Variants in SLC35D1 observed in about 807,000 individuals in gnomAD.
SLC35D1 encodes nucleotide sugar transporter SLC35D1.
Under a neutral mutation model 46.7 loss-of-function variants are expected in SLC35D1, and 31 were observed. The observed-to-expected ratio is 0.66, with a 90% confidence interval of 0.50 to 0.90. The LOEUF (loss-of-function observed/expected upper bound fraction) is 0.90, where lower values mean the gene tolerates loss of function less well. Among genes scored for constraint, SLC35D1 ranks in the 40% least tolerant of loss-of-function variants. The pLI, the probability that SLC35D1 is intolerant of heterozygous loss-of-function variation, is 0.00. For missense variants in SLC35D1, 397 were observed against 426.2 expected (o/e 0.93, Z 0.60); for synonymous variants, 195 against 164.6 (o/e 1.18, Z -1.41).
Position 67,053,969 on chromosome 1 carries a change from T to C in SLC35D1, c.45A>G (p.Glu15=). 1 of 1,613,440 alleles carries C rather than the reference T, an allele frequency of 6.2e-7. No individual in the cohort carries two copies. The highest frequency in any genetic ancestry group is 1.7e-5 in the Admixed American group (1 of 59,996). The change falls in exon 1 of 12, where the codon GAA becomes GAG. Residue 15 remains glutamate (E), a synonymous_variant. Coordinates refer to ENST00000235345, the MANE Select transcript of SLC35D1 (RefSeq NM_015139.3). ...GGAGTGTGGAGGATTTCGCGGGGGC[T>C]TCTCCTTTAACCCGAGCATGCTGAC... ...HRRQHARVKG[E]APAKSSTLRD... is the part of the protein sequence containing the mutation.
chr1:67,021,455 TA>T, intron 9 of SLC35D1, 79 bp downstream of exon 9: 1 of 1,410,638 alleles, frequency 7.1e-7, no homozygotes, highest in South Asian at 1.2e-5. Flanking sequence ...GACCTAAAGA[TA>T]TTGAGAAAAG....
the SLC35D1 span, among the ~76,000 whole-genome samples, chr1:66,981,190 G>A: frequency 2.0e-5 from 3 of 152,252 alleles, no homozygotes; most frequent in South Asian, 2.1e-4. Context: ...CCACAGTTAC[G>A]TAGTTCAGGA....
At chr1:66,984,458 C>T in the SLC35D1 span, 1 of 734,430 alleles carries the variant, frequency 1.4e-6, no homozygotes, top group Non-Finnish European at 2.2e-6. Context: ...AGAATTTAGA[C>T]TATGTATTTG....
chr1:66,987,615 A>T, the SLC35D1 span: 1 of 152,584 alleles, frequency 6.6e-6, no homozygotes, highest in Non-Finnish European at 1.5e-5. Context: ...CCCTTCTCCC[A>T]TTCCTTGTCT....
At chr1:67,037,143 G>A (rs574242669) in intron 8 of SLC35D1, among the ~76,000 whole-genome samples, 95 of 152,086 alleles carry the variant, frequency 6.2e-4, no homozygotes, top group African/African-American at 2.2e-3. Context: ...TTATTGTACT[G>A]TCAATGTGTT....
At chr1:67,038,369 C>T (rs1558162565) in intron 8 of SLC35D1, among the ~76,000 whole-genome samples, 2 of 152,144 alleles carry the variant, frequency 1.3e-5, no homozygotes, top group Admixed American at 1.3e-4. Flanking sequence ...TATAACTCCC[C>T]TAAACCATGT....
downstream of SLC35D1, among the ~76,000 whole-genome samples, chr1:66,994,748 G>A (rs1431456183): frequency 6.6e-6 from 1 of 151,916 alleles, no homozygotes; most frequent in Non-Finnish European, 1.5e-5. Flanking sequence ...GAGGAAACAG[G>A]TGTTTCAAAT....
downstream of SLC35D1, among the ~76,000 whole-genome samples, chr1:66,997,569 G>GTATA (rs1294058794): frequency 9.0e-5 from 11 of 121,792 alleles, no homozygotes; most frequent in African/African-American, 2.7e-4. Context: ...ATCTGTGTGT[G>GTATA]TATATATATA....
intron 10 of SLC35D1, among the ~76,000 whole-genome samples, chr1:67,014,800 A>C (rs1667647603): frequency 6.9e-6 from 1 of 145,332 alleles, no homozygotes. Context: ...TTTATCTGTG[A>C]GCTTATGTCT....
intron 11 of SLC35D1, among the ~76,000 whole-genome samples, 174 bp from the exon 12 acceptor site, chr1:67,004,622 G>T (rs1160037585): frequency 6.6e-6 from 1 of 151,992 alleles, no homozygotes; most frequent in Non-Finnish European, 1.5e-5. Context: ...AATATAAACA[G>T]GCATTGACAC....
chr1:67,005,756 C>T (rs1667435172), intron 11 of SLC35D1, among the ~76,000 whole-genome samples: 1 of 152,160 alleles, frequency 6.6e-6, no homozygotes, highest in African/African-American at 2.4e-5. Context: ...AGAATACAAC[C>T]TAGGTCAGTC....
chr1:67,047,928 T>C (rs1331021947), intron 6 of SLC35D1, among the ~76,000 whole-genome samples: 1 of 152,164 alleles, frequency 6.6e-6, no homozygotes, highest in Non-Finnish European at 1.5e-5. Context: ...CTGTGAAGTA[T>C]AACTTGGGGG....
chr1:67,032,175 G>T, intron 8 of SLC35D1: 1 of 754,384 alleles, frequency 1.3e-6, no homozygotes, highest in Non-Finnish European at 1.6e-6. Flanking sequence ...AGTCTTTAGC[G>T]CTACAGGTGC....
intron 8 of SLC35D1, among the ~76,000 whole-genome samples, chr1:67,029,406 C>T (rs910272235): frequency 4.6e-5 from 7 of 152,180 alleles, no homozygotes; most frequent in African/African-American, 1.2e-4. Flanking sequence ...TCTCATGCTA[C>T]GCTCCTTCAT....
rs1558146827 is a variant in SLC35D1 at position 67,001,541 on chromosome 1, C to T, written c.*2799G>A. The T allele has an allele frequency of 6.6e-6, 1 of 152,218 alleles. No individual in the cohort carries two copies. Among genetic ancestry groups the T allele is most frequent in the Non-Finnish European group, 1.5e-5 (1 of 68,018 alleles). 9.4% of individuals were successfully genotyped at this position (152,218 alleles called of 1,614,324 possible). A position where few individuals can be genotyped will look rare whatever the true frequency, so the allele number is the denominator to read the frequency against. On this transcript the variant is annotated 3_prime_UTR_variant, in exon 12 of 12. Coordinates refer to ENST00000235345, the MANE Select transcript of SLC35D1 (RefSeq NM_015139.3). ...TCATAGAATTTGTCTTTTGGAATAC[C>T]ACAGCTCATCTGTCTCAGTGGGCAA...
intron 8 of SLC35D1, among the ~76,000 whole-genome samples, chr1:67,030,295 T>C (rs554310035): frequency 1.3e-5 from 2 of 152,296 alleles, no homozygotes; most frequent in African/African-American, 4.8e-5. Flanking sequence ...CTAAAACACA[T>C]AAAAGAAATC....
At chr1:66,978,950 T>TAAGA in the SLC35D1 span, among the ~76,000 whole-genome samples, 1 of 152,216 alleles carries the variant, frequency 6.6e-6, no homozygotes, top group Non-Finnish European at 1.5e-5. Context: ...AGGTTAAATA[T>TAAGA]TCTTTAGGTA....
At chr1:66,999,105 A>G (rs1570598376), downstream of SLC35D1, among the ~76,000 whole-genome samples, 4 of 152,240 alleles carry the variant, frequency 2.6e-5, no homozygotes, top group African/African-American at 7.2e-5. Context: ...TGATGAGTAA[A>G]GCTACTCAGG....
At chr1:66,978,154 C>T in the SLC35D1 span, among the ~76,000 whole-genome samples, 1 of 150,952 alleles carries the variant, frequency 6.6e-6, no homozygotes, top group East Asian at 1.9e-4. Flanking sequence ...CGAGATCAAA[C>T]CACTGCACTC....
Sources: gnomAD v4.1 joint callset for allele counts (sites outside exome capture counted in the v4.1 genomes callset) on GRCh38, gnomAD v4.1.1 for gene constraint, MANE v1.5 for transcripts, NCBI Gene and HGNC (gene_info 2026-07-23, HGNC 2026-07-21) for gene names.